The following RSF1 variants were observed in gnomAD, a reference collection of about 807,000 sequenced individuals.
RSF1 encodes the protein HBV pX-associated protein 8.
RSF1 carries 13 observed loss-of-function variants against 145.2 expected under a neutral mutation model. The ratio of observed to expected loss-of-function variants is 0.09; its 90% CI spans 0.06 to 0.14. The LOEUF (loss-of-function observed/expected upper bound fraction) is 0.14. RSF1 is among the 10% of genes least tolerant of loss of function. The probability of loss-of-function intolerance (pLI) is 1.00; values close to 1 mark genes in which losing one functional copy is unlikely to be tolerated. For missense variants in RSF1, 1,517 were observed against 1,718.2 expected, an observed-to-expected ratio of 0.88 and a Z score of 2.07; for synonymous variants, 577 against 592.6, an observed-to-expected ratio of 0.97 and a Z score of 0.38.
chr11:77,712,024 T>C (rs560145516), intron 5 of RSF1, among the ~76,000 whole-genome samples: 122 of 152,338 alleles, frequency 8.0e-4, no homozygotes, highest in African/African-American at 2.6e-3. Flanking sequence ...TACAATCTAA[T>C]GTGGAATTTT....
At chr11:77,757,357 C>T (rs781741930) in intron 2 of RSF1, among the ~76,000 whole-genome samples, 5 of 152,100 alleles carry the variant, frequency 3.3e-5, no homozygotes, top group Non-Finnish European at 5.9e-5. Flanking sequence ...AATATGGCGA[C>T]CCAATGAGGC....
At chr11:77,670,072 G>A (rs1405086841) in intron 15 of RSF1, among the ~76,000 whole-genome samples, 2 of 152,214 alleles carry the variant, frequency 1.3e-5, no homozygotes, top group African/African-American at 2.4e-5. Context: ...GCTATGGTGA[G>A]CTGTGATTGT....
At chr11:77,758,894 G>A (rs1344694723) in intron 2 of RSF1, among the ~76,000 whole-genome samples, 1 of 152,060 alleles carries the variant, frequency 6.6e-6, no homozygotes, top group Admixed American at 6.6e-5. Context: ...CCATTCTGTA[G>A]GCTGTCTTTT....
chr11:77,838,615 C>CTTTTT, the RSF1 span, among the ~76,000 whole-genome samples: 30 of 129,334 alleles, frequency 2.3e-4, 2 homozygotes, highest in South Asian at 2.4e-4. Context: ...ATACAAGTAC[C>CTTTTT]TTTTTTTTTT....
upstream of RSF1, among the ~76,000 whole-genome samples, chr11:77,822,254 A>G (rs1005266317): frequency 2.6e-5 from 4 of 152,008 alleles, no homozygotes; most frequent in Admixed American, 2.6e-4. Flanking sequence ...AGCCTGGGCA[A>G]CATGGTGAAA....
At chr11:77,693,089 G>C (rs1197523233) in intron 8 of RSF1, among the ~76,000 whole-genome samples, 2 of 152,158 alleles carry the variant, frequency 1.3e-5, no homozygotes, top group Non-Finnish European at 2.9e-5. Context: ...ATTTGCCTAA[G>C]ATAGAAGAGA....
chr11:77,760,468 A>G (rs1948160046), intron 2 of RSF1, among the ~76,000 whole-genome samples: 1 of 152,234 alleles, frequency 6.6e-6, no homozygotes, highest in South Asian at 2.1e-4. Flanking sequence ...GATGTTAGAA[A>G]AGTTCTGGAA....
chr11:77,846,959 T>A, the RSF1 span, among the ~76,000 whole-genome samples: 1 of 152,134 alleles, frequency 6.6e-6, no homozygotes, highest in Non-Finnish European at 1.5e-5. Flanking sequence ...CAATCTGGGA[T>A]CACTTTTAAT....
At chr11:77,820,924 C>G, upstream of RSF1, 2 of 573,768 alleles carry the variant, frequency 3.5e-6, no homozygotes, top group Admixed American at 3.5e-5. Flanking sequence ...CAGAGCGGCC[C>G]TCGGCGCCTT....
the RSF1 span, among the ~76,000 whole-genome samples, chr11:77,864,963 T>G: frequency 6.6e-6 from 1 of 152,032 alleles, no homozygotes; most frequent in African/African-American, 2.4e-5. Context: ...AGTGACAGAG[T>G]GAGACCCTGT....
At chr11:77,747,981 G>C (rs1199646141) in intron 2 of RSF1, among the ~76,000 whole-genome samples, 2 of 152,038 alleles carry the variant, frequency 1.3e-5, no homozygotes, top group Non-Finnish European at 2.9e-5. Context: ...AGCATAACGA[G>C]GGCCAAAGGA....
At chr11:77,790,921 C>T (rs1053487604) in intron 1 of RSF1, among the ~76,000 whole-genome samples, 10 of 152,162 alleles carry the variant, frequency 6.6e-5, no homozygotes, top group East Asian at 1.9e-4. Context: ...TGACTGTCTG[C>T]GGCTTTTCCA....
chr11:77,792,467 G>C (rs892167718), intron 1 of RSF1, among the ~76,000 whole-genome samples: 1 of 152,074 alleles, frequency 6.6e-6, no homozygotes. Flanking sequence ...GCTGGTGTAC[G>C]TCACCCTGGG....
chr11:77,704,140 A>G (rs1475275351), intron 5 of RSF1, among the ~76,000 whole-genome samples: 1 of 152,186 alleles, frequency 6.6e-6, no homozygotes. Context: ...CAAAAAATAC[A>G]AAAAGTAGCC....
the RSF1 span, among the ~76,000 whole-genome samples, chr11:77,859,869 G>A: frequency 6.6e-6 from 1 of 152,236 alleles, no homozygotes; most frequent in Non-Finnish European, 1.5e-5. Flanking sequence ...AATACAGCCT[G>A]ATATTTAAGT....
At chr11:77,842,083 T>G in the RSF1 span, among the ~76,000 whole-genome samples, 1 of 152,238 alleles carries the variant, frequency 6.6e-6, no homozygotes, top group Non-Finnish European at 1.5e-5. Flanking sequence ...TTTCTCTGAT[T>G]GTGGTATATG....
chr11:77,686,226 C>T (rs1227335757), intron 9 of RSF1, among the ~76,000 whole-genome samples: 4 of 151,732 alleles, frequency 2.6e-5, no homozygotes, highest in South Asian at 2.1e-4. Context: ...CACAGTGAGA[C>T]GCCTGTTTCT....
chr11:77,851,188 C>CAA, the RSF1 span, among the ~76,000 whole-genome samples: 1 of 152,040 alleles, frequency 6.6e-6, no homozygotes, highest in Non-Finnish European at 1.5e-5. Flanking sequence ...CTCCTGACCT[C>CAA]GTGATCCACC....
chr11:77,869,416 A>T, the RSF1 span, among the ~76,000 whole-genome samples: 1 of 149,424 alleles, frequency 6.7e-6, no homozygotes, highest in Non-Finnish European at 1.5e-5. Context: ...AGGCCCAAGC[A>T]ATCCTCCCAA....
Sources: gnomAD v4.1 joint callset for allele counts (sites outside exome capture counted in the v4.1 genomes callset) on GRCh38, gnomAD v4.1.1 for gene constraint, MANE v1.5 for transcripts, NCBI Gene and HGNC (gene_info 2026-07-23, HGNC 2026-07-21) for gene names.